Variants in MCTP1 observed in about 807,000 individuals in gnomAD.
The protein encoded by MCTP1 is multiple C2 and transmembrane domain containing 1, also known as multiple C2 and transmembrane domain-containing protein 1.
MCTP1 carries 69 observed loss-of-function variants against 120.6 expected under a neutral mutation model. That is an observed-to-expected ratio of 0.57 (90% confidence interval 0.47 to 0.70). MCTP1 has a LOEUF of 0.70. Among genes scored for constraint, MCTP1 ranks in the 30% least tolerant of loss-of-function variants. The pLI is 0.00. For synonymous variants in MCTP1, 529 were observed against 493.1 expected (o/e 1.07, Z -0.96); for missense variants, 1,203 against 1,248.8 (o/e 0.96, Z 0.55).
intron 1 of MCTP1, among the ~76,000 whole-genome samples, chr5:95,209,987 T>G (rs1182066860): frequency 6.6e-6 from 1 of 152,178 alleles, no homozygotes; most frequent in Non-Finnish European, 1.5e-5. Context: ...CGGTTTTGAG[T>G]GAGTTTCTTA....
chr5:95,046,562 A>G (rs185666718), intron 1 of MCTP1, among the ~76,000 whole-genome samples: 1 of 152,200 alleles, frequency 6.6e-6, no homozygotes, highest in Non-Finnish European at 1.5e-5. Flanking sequence ...GAGCACCAGC[A>G]TAAGTACTAC....
intron 18 of MCTP1, among the ~76,000 whole-genome samples, chr5:94,790,897 T>A (rs1778747477): frequency 6.6e-6 from 1 of 152,120 alleles, no homozygotes; most frequent in African/African-American, 2.4e-5. Flanking sequence ...CCAGAAATTC[T>A]TCAAGGACTT....
At chr5:95,133,603 C>A (rs866943829) in intron 1 of MCTP1, among the ~76,000 whole-genome samples, 4 of 152,266 alleles carry the variant, frequency 2.6e-5, no homozygotes, top group African/African-American at 7.2e-5. Flanking sequence ...TGCAGTGAGC[C>A]GAGATCGTGC....
At chr5:95,108,341 AGCTCCTTCCT>A (rs1234108296) in intron 1 of MCTP1, among the ~76,000 whole-genome samples, 2 of 151,874 alleles carry the variant, frequency 1.3e-5, no homozygotes, top group African/African-American at 4.9e-5. Flanking sequence ...GTGTCAGGGC[AGCTCCTTCCT>A]GCTGGGTCCT....
intron 1 of MCTP1, among the ~76,000 whole-genome samples, chr5:95,253,839 G>A (rs1419077596): frequency 6.6e-6 from 1 of 152,032 alleles, no homozygotes; most frequent in African/African-American, 2.4e-5. Context: ...GCATAATCCA[G>A]TATTCTAGTA....
chr5:94,958,008 A>T (rs1296919999), intron 2 of MCTP1, among the ~76,000 whole-genome samples: 1 of 152,220 alleles, frequency 6.6e-6, no homozygotes, highest in Non-Finnish European at 1.5e-5. Flanking sequence ...AAAATCGACC[A>T]CATAATTGGA....
intron 2 of MCTP1, chr5:94,979,604 A>C (rs930750622): frequency 6.6e-6 from 1 of 152,070 alleles, no homozygotes; most frequent in Non-Finnish European, 1.5e-5. Context: ...TATAAATGCA[A>C]AAGGTAATGT....
chr5:94,866,926 C>A (rs1175918542), intron 17 of MCTP1, among the ~76,000 whole-genome samples: 1 of 151,796 alleles, frequency 6.6e-6, no homozygotes, highest in African/African-American at 2.4e-5. Flanking sequence ...CATTTCTGGT[C>A]TTTTCAAATT....
rs577808311 is a variant in MCTP1 at position 95,167,388 on chromosome 5, T to C, written c.720+116468A>G. Among the ~76,000 whole-genome samples, 6 of 152,336 alleles carry C rather than the reference T, an allele frequency of 3.9e-5. No individual in the cohort carries two copies. The South Asian group carries it at 1.2e-3, about 32-fold the overall frequency. Reference sequence around the variant, plus strand: ...AAACATACATGTGCACATGTCTTTATAGCAGTATGATTTATAATCCTTTGG... The same window carrying C: ...AAACATACATGTGCACATGTCTTTACAGCAGTATGATTTATAATCCTTTGG... On this transcript the variant is annotated intron_variant, in intron 1 of 22. Transcript: ENST00000515393.
At chr5:94,956,797 TG>T (rs1183557154) in intron 2 of MCTP1, among the ~76,000 whole-genome samples, 1 of 152,082 alleles carries the variant, frequency 6.6e-6, no homozygotes, top group African/African-American at 2.4e-5. Flanking sequence ...GTTTGATTGG[TG>T]TACCTGAAAG....
At chr5:94,765,638 T>C (rs1772438980) in intron 19 of MCTP1, among the ~76,000 whole-genome samples, 2 of 148,760 alleles carry the variant, frequency 1.3e-5, no homozygotes, top group South Asian at 4.3e-4. Flanking sequence ...GAGGTGGAGG[T>C]TGCTGTGAGC....
intron 1 of MCTP1, among the ~76,000 whole-genome samples, chr5:95,034,329 C>G (rs1840849956): frequency 6.6e-6 from 1 of 152,014 alleles, no homozygotes; most frequent in Admixed American, 6.6e-5. Context: ...AACTATACTA[C>G]AAGGCTATAA....
intron 1 of MCTP1, among the ~76,000 whole-genome samples, chr5:95,177,615 A>G (rs1333849810): frequency 6.6e-6 from 1 of 152,256 alleles, no homozygotes; most frequent in Non-Finnish European, 1.5e-5. Context: ...CATGAGCTGA[A>G]TAACAGACAT....
At chr5:95,129,902 C>T (rs188454759) in intron 1 of MCTP1, among the ~76,000 whole-genome samples, 1,771 of 152,184 alleles carry the variant, frequency 0.012, 23 homozygotes, top group Non-Finnish European at 0.019. Flanking sequence ...CTCAGGCGAT[C>T]CACCTGCCTT....
intron 2 of MCTP1, among the ~76,000 whole-genome samples, chr5:94,964,597 C>T (rs1561937518): frequency 1.3e-5 from 2 of 152,194 alleles, no homozygotes; most frequent in African/African-American, 4.8e-5. Flanking sequence ...TTTATCATTA[C>T]ATAATTATCA....
At chr5:94,892,057 A>C (rs572367237) in intron 11 of MCTP1, among the ~76,000 whole-genome samples, 76 of 152,186 alleles carry the variant, frequency 5.0e-4, no homozygotes, top group Admixed American at 3.4e-3. Flanking sequence ...GCTGTCAGGG[A>C]GAGCATCTCA....
intron 1 of MCTP1, among the ~76,000 whole-genome samples, chr5:95,073,937 C>G (rs1752899588): frequency 6.6e-6 from 1 of 152,142 alleles, no homozygotes; most frequent in East Asian, 1.9e-4. Context: ...ATAGTGAAAC[C>G]CCGTCTCTAC....
intron 1 of MCTP1, among the ~76,000 whole-genome samples, chr5:95,194,404 C>T (rs752978780): frequency 6.6e-5 from 10 of 151,974 alleles, no homozygotes; most frequent in Non-Finnish European, 1.0e-4. Flanking sequence ...CCATGGTGAA[C>T]GGGAAACTGA....
intron 12 of MCTP1, among the ~76,000 whole-genome samples, chr5:94,879,337 T>TTTTCATTATGC (rs1799575461): frequency 2.0e-5 from 3 of 152,100 alleles, no homozygotes; most frequent in African/African-American, 7.2e-5. Context: ...TTTCATTATG[T>TTTTCATTATGC]AAATTTTCAT....
Sources: gnomAD v4.1 joint callset for allele counts (sites outside exome capture counted in the v4.1 genomes callset) on GRCh38, gnomAD v4.1.1 for gene constraint, MANE v1.5 for transcripts, NCBI Gene and HGNC (gene_info 2026-07-23, HGNC 2026-07-21) for gene names.